UNC13C: variants seen among roughly 807,000 people sequenced by gnomAD.
UNC13C encodes the protein unc-13 homolog C.
In UNC13C, 174 loss-of-function variants were observed where a neutral mutation model predicts 245.4. The ratio of observed to expected loss-of-function variants is 0.71; its 90% CI spans 0.63 to 0.80. The LOEUF (loss-of-function observed/expected upper bound fraction) is 0.80, where lower values mean the gene tolerates loss of function less well. Ranked by LOEUF, UNC13C falls within the 30% of genes least tolerant of loss-of-function variation. The pLI, the probability that UNC13C is intolerant of heterozygous loss-of-function variation, is 0.00. For synonymous variants in UNC13C, 992 were observed against 895.1 expected (o/e 1.11, Z -1.93); for missense variants, 2,829 against 2,602.9 (o/e 1.09, Z -1.89).
the UNC13C span, among the ~76,000 whole-genome samples, chr15:53,928,099 C>T: frequency 6.1e-5 from 9 of 148,338 alleles, no homozygotes; most frequent in East Asian, 1.2e-3. Flanking sequence ...AACCCAGTGG[C>T]GCTAGAGGAA....
rs542636566 is a variant in UNC13C, at chr15:54,426,619, C to A, written c.4933+11552C>A. Reference sequence around the variant, plus strand: ...CAAGTCTATGTTTAAGGGAAGGGGACTACCCCAGAGGGGGTAAATAGTAAG... The same window carrying A: ...CAAGTCTATGTTTAAGGGAAGGGGAATACCCCAGAGGGGGTAAATAGTAAG... On this transcript the variant is annotated intron_variant, in intron 19 of 32. Transcript: ENST00000260323. Among the ~76,000 whole-genome samples, 10 of 151,748 alleles carry A rather than the reference C, an allele frequency of 6.6e-5. No individual in the cohort carries two copies. In the East Asian group the frequency reaches 2.0e-3, roughly 30 times the overall value.
At chr15:54,235,702 A>G (rs2035676244) in intron 5 of UNC13C, among the ~76,000 whole-genome samples, 1 of 152,074 alleles carries the variant, frequency 6.6e-6, no homozygotes, top group Non-Finnish European at 1.5e-5. Context: ...AATACAAAAA[A>G]TTAACTGGAG....
intron 19 of UNC13C, among the ~76,000 whole-genome samples, chr15:54,435,541 C>T (rs1261391415): frequency 6.6e-6 from 1 of 150,496 alleles, no homozygotes; most frequent in Non-Finnish European, 1.5e-5. Flanking sequence ...AACACATGAA[C>T]ACAGGGAGGA....
At chr15:54,181,652 A>G (rs2033803827) in intron 4 of UNC13C, among the ~76,000 whole-genome samples, 5 of 151,906 alleles carry the variant, frequency 3.3e-5, no homozygotes, top group African/African-American at 1.2e-4. Context: ...GACCACTTTA[A>G]TCATATTGAT....
At chr15:54,155,393 A>C (rs907939229) in intron 4 of UNC13C, among the ~76,000 whole-genome samples, 1 of 152,200 alleles carries the variant, frequency 6.6e-6, no homozygotes, top group Non-Finnish European at 1.5e-5. Flanking sequence ...TCTATTGTGA[A>C]AACACGTCAT....
intron 4 of UNC13C, among the ~76,000 whole-genome samples, chr15:54,184,106 A>C (rs1320790302): frequency 1.3e-5 from 2 of 152,060 alleles, no homozygotes; most frequent in Non-Finnish European, 2.9e-5. Context: ...GTTACATCTG[A>C]TTTAGTATGT....
At chr15:54,149,018 TG>T (rs2032402188) in intron 4 of UNC13C, among the ~76,000 whole-genome samples, 1 of 152,134 alleles carries the variant, frequency 6.6e-6, no homozygotes, top group African/African-American at 2.4e-5. Flanking sequence ...GATTGGATCA[TG>T]GGGGGCAGTT....
chr15:53,935,471 G>C, the UNC13C span, among the ~76,000 whole-genome samples: 1 of 152,176 alleles, frequency 6.6e-6, no homozygotes, highest in Non-Finnish European at 1.5e-5. Flanking sequence ...GTAAAAAGCA[G>C]AGAAATAAGG....
At chr15:54,277,115 A>G (rs1224527214) in intron 10 of UNC13C, among the ~76,000 whole-genome samples, 1 of 152,062 alleles carries the variant, frequency 6.6e-6, no homozygotes, top group African/African-American at 2.4e-5. Context: ...TTTTCTGTGC[A>G]CGATACTCAA....
intron 19 of UNC13C, among the ~76,000 whole-genome samples, chr15:54,423,658 A>G (rs1252686608): frequency 6.6e-6 from 1 of 151,928 alleles, no homozygotes; most frequent in Non-Finnish European, 1.5e-5. Context: ...GCCAGAAGGA[A>G]AAATATAGTA....
the UNC13C span, among the ~76,000 whole-genome samples, chr15:53,966,379 C>T: frequency 6.6e-6 from 1 of 152,064 alleles, no homozygotes; most frequent in Admixed American, 6.6e-5. Context: ...AACATTTTTC[C>T]ATTTGTTTTG....
intron 25 of UNC13C, 76 bp downstream of exon 25, chr15:54,525,713 T>C: frequency 1.6e-6 from 2 of 1,227,988 alleles, no homozygotes; most frequent in Non-Finnish European, 2.3e-6. Context: ...TTCAATGCTG[T>C]TTCCTCTGAC....
intron 17 of UNC13C, among the ~76,000 whole-genome samples, chr15:54,391,863 A>G (rs1469911590): frequency 1.3e-5 from 2 of 152,140 alleles, no homozygotes; most frequent in Non-Finnish European, 2.9e-5. Context: ...ATTAAATGAC[A>G]ACTCAACAAA....
chr15:54,004,074 G>A lies in UNC13C; in HGVS notation c.-256-8574G>A, dbSNP rs532363651. 1.8e-4 allele frequency among the ~76,000 whole-genome samples: 28 copies of A among 152,120 alleles called. No individual in the cohort carries two copies. In the South Asian group the frequency reaches 5.8e-3, roughly 32 times the overall value. On this transcript the variant is annotated intron_variant, in intron 1 of 32. Transcript: ENST00000260323. ...AACCAAACTCTTACAGACTATAGTC[G>A]CCGTAGTGTGCTATCAAATATTAGA...
chr15:54,144,331 G>T (rs1251880429), intron 4 of UNC13C, among the ~76,000 whole-genome samples: 2 of 148,578 alleles, frequency 1.3e-5, no homozygotes, highest in African/African-American at 4.9e-5. Flanking sequence ...TTGCATCGTG[G>T]TTTTTTTTTT....
intron 27 of UNC13C, 97 bp downstream of exon 27, chr15:54,546,942 T>TG: frequency 1.7e-6 from 2 of 1,149,502 alleles, no homozygotes; most frequent in Non-Finnish European, 2.4e-6. Flanking sequence ...TAAATCCCTT[T>TG]GGGGAAAAAG....
the UNC13C span, among the ~76,000 whole-genome samples, chr15:53,887,254 G>A: frequency 1.3e-5 from 2 of 152,060 alleles, no homozygotes; most frequent in Non-Finnish European, 2.9e-5. Context: ...TAAAAATAAA[G>A]TTTATTAAAA....
chr15:53,983,877 C>G (rs1057423589), intron 1 of UNC13C, among the ~76,000 whole-genome samples: 2 of 152,002 alleles, frequency 1.3e-5, no homozygotes, highest in African/African-American at 4.8e-5. Context: ...TCAAATCATC[C>G]TCACTGCCTT....
chr15:53,904,886 C>G, the UNC13C span, among the ~76,000 whole-genome samples: 1 of 152,062 alleles, frequency 6.6e-6, no homozygotes, highest in Non-Finnish European at 1.5e-5. Context: ...TAGTTCCAAC[C>G]TAGAGATGTT....
Sources: gnomAD v4.1 joint callset for allele counts (sites outside exome capture counted in the v4.1 genomes callset) on GRCh38, gnomAD v4.1.1 for gene constraint, MANE v1.5 for transcripts, NCBI Gene and HGNC (gene_info 2026-07-23, HGNC 2026-07-21) for gene names.